Variants in TAF3 observed in about 807,000 individuals in gnomAD.
The protein encoded by TAF3 is TATA-box binding protein associated factor 3, also known as transcription initiation factor TFIID subunit 3.
A neutral mutation model predicts 80.6 loss-of-function variants in TAF3; 7 were observed. The observed-to-expected ratio is 0.09, with a 90% confidence interval of 0.05 to 0.16. The LOEUF is 0.16. TAF3 is among the 10% of genes least tolerant of loss of function. TAF3 has a pLI of 1.00. For missense variants in TAF3, 921 were observed against 1,140.2 expected (o/e 0.81, Z 2.77); for synonymous variants, 444 against 446.1 (o/e 1.00, Z 0.06).
intron 2 of TAF3, among the ~76,000 whole-genome samples, chr10:7,914,757 C>G (rs1374329221): frequency 2.6e-5 from 4 of 151,954 alleles, no homozygotes; most frequent in African/African-American, 4.8e-5. Context: ...CAAATATGAC[C>G]CATTTTAAAT....
At chr10:8,012,215 T>C (rs1022839179) in intron 5 of TAF3, among the ~76,000 whole-genome samples, 1 of 152,112 alleles carries the variant, frequency 6.6e-6, no homozygotes, top group Non-Finnish European at 1.5e-5. Flanking sequence ...GCTTTCTACC[T>C]CATGAAGAGA....
At chr10:7,936,519 G>T (rs1173421549) in intron 2 of TAF3, among the ~76,000 whole-genome samples, 1 of 149,858 alleles carries the variant, frequency 6.7e-6, no homozygotes, top group Non-Finnish European at 1.5e-5. Context: ...TTTCTTAATA[G>T]ACTTTATTAT....
chr10:7,997,514 C>G (rs1285193407), intron 4 of TAF3, among the ~76,000 whole-genome samples: 1 of 152,232 alleles, frequency 6.6e-6, no homozygotes, highest in Non-Finnish European at 1.5e-5. Context: ...ACAGGCCAAG[C>G]AGCTCATGAC....
intron 2 of TAF3, among the ~76,000 whole-genome samples, chr10:7,945,939 G>T (rs530857473): frequency 1.3e-5 from 2 of 152,092 alleles, no homozygotes; most frequent in East Asian, 1.9e-4. Context: ...GTTAACCTCC[G>T]CATTGCCAGG....
chr10:7,913,622 T>G (rs1383438781), intron 2 of TAF3, among the ~76,000 whole-genome samples: 1 of 152,216 alleles, frequency 6.6e-6, no homozygotes, highest in Non-Finnish European at 1.5e-5. Flanking sequence ...CATCCTTTGT[T>G]CCCCAGTAGT....
intron 3 of TAF3, among the ~76,000 whole-genome samples, chr10:7,972,813 GCCAAGGTTAATGTCAGTTT>G (rs984902949): frequency 6.6e-6 from 1 of 152,150 alleles, no homozygotes; most frequent in African/African-American, 2.4e-5. Flanking sequence ...TGAAGGTGGG[GCCAAGGTTAATGTCAGTTT>G]CCATATAAAC....
At position 8,009,777 on chromosome 10, in the gene TAF3, A is replaced by AC. The variant is rs1832036432; in HGVS notation, c.2568+448dup. ...GCTGGGATTACAGGCACGTGCCACC[A>AC]CACCTGGCCAATTTTTTGTATTTTT... On this transcript the variant is annotated intron_variant, in intron 5 of 6. Coordinates refer to ENST00000344293, the MANE Select transcript of TAF3 (RefSeq NM_031923.4). The surrounding 1 kb of genome is among the most constrained non-coding windows in gnomAD (Gnocchi z 4.1). 6.6e-6 allele frequency among the ~76,000 whole-genome samples: 1 copy of AC among 151,784 alleles called. No individual in the cohort carries two copies. The highest frequency in any genetic ancestry group is 1.5e-5 in the Non-Finnish European group (1 of 67,950).
chr10:7,983,123 C>T (rs949456825), intron 4 of TAF3, among the ~76,000 whole-genome samples: 3 of 152,202 alleles, frequency 2.0e-5, no homozygotes, highest in African/African-American at 4.8e-5. Flanking sequence ...CTGGCCTCTG[C>T]GGTGGCAGAG....
intron 4 of TAF3, among the ~76,000 whole-genome samples, chr10:7,986,761 C>T (rs753016781): frequency 1.3e-5 from 2 of 152,074 alleles, no homozygotes; most frequent in Non-Finnish European, 2.9e-5. Flanking sequence ...CACAGGGATC[C>T]ATAACTCACC....
intron 2 of TAF3, among the ~76,000 whole-genome samples, chr10:7,886,036 C>T (rs922404562): frequency 6.6e-6 from 1 of 152,136 alleles, no homozygotes; most frequent in African/African-American, 2.4e-5. Flanking sequence ...CCAAGTGATC[C>T]TCCTGCGTCA....
chr10:7,909,737 C>T (rs1325440466), intron 2 of TAF3, among the ~76,000 whole-genome samples: 1 of 152,134 alleles, frequency 6.6e-6, no homozygotes, highest in East Asian at 1.9e-4. Context: ...TGGAGATTTA[C>T]CACTTTATAT....
intron 2 of TAF3, among the ~76,000 whole-genome samples, chr10:7,947,502 A>G (rs919890465): frequency 2.0e-5 from 3 of 152,214 alleles, no homozygotes; most frequent in African/African-American, 7.2e-5. Flanking sequence ...TAAGAAAGCT[A>G]CTGGGAGGCG....
intron 2 of TAF3, among the ~76,000 whole-genome samples, chr10:7,868,913 A>C (rs889179568): frequency 2.0e-5 from 3 of 152,218 alleles, no homozygotes; most frequent in Non-Finnish European, 4.4e-5. Flanking sequence ...TAGGAAATGC[A>C]GTGGCAGGGT....
chr10:7,860,251 A>G (rs1414668788), intron 2 of TAF3, among the ~76,000 whole-genome samples: 1 of 151,466 alleles, frequency 6.6e-6, no homozygotes, highest in East Asian at 1.9e-4. Flanking sequence ...CAGCCTGGGT[A>G]GGTGACAGAG....
At chr10:7,872,213 A>T (rs201220071) in intron 2 of TAF3, among the ~76,000 whole-genome samples, 59 of 121,974 alleles carry the variant, frequency 4.8e-4, no homozygotes, top group East Asian at 3.5e-3. Context: ...TGTTGGGTTG[A>T]TTTTTTTTTT....
chr10:7,893,442 T>C (rs1837476931), intron 2 of TAF3, among the ~76,000 whole-genome samples: 1 of 152,168 alleles, frequency 6.6e-6, no homozygotes, highest in South Asian at 2.1e-4. Flanking sequence ...ATTTGTAAAT[T>C]TCTGCAAGTT....
intron 2 of TAF3, among the ~76,000 whole-genome samples, chr10:7,863,832 G>C (rs1010803576): frequency 5.4e-5 from 8 of 149,362 alleles, no homozygotes; most frequent in African/African-American, 2.0e-4. Context: ...AGTTTTCAGT[G>C]CATCTCTTAT....
intron 4 of TAF3, among the ~76,000 whole-genome samples, chr10:8,008,092 CTTTTTTT>C (rs1162726965): frequency 9.4e-6 from 1 of 106,038 alleles, no homozygotes; most frequent in Non-Finnish European, 1.9e-5. Context: ...TGGGAACAAT[CTTTTTTT>C]TTTTTTTTTT....
At chr10:7,829,987 T>C (rs1280813081) in intron 2 of TAF3, among the ~76,000 whole-genome samples, 1 of 152,164 alleles carries the variant, frequency 6.6e-6, no homozygotes, top group East Asian at 1.9e-4. Context: ...GCTGAAAAAA[T>C]ATATTGCCAA....
Sources: allele counts gnomAD v4.1 joint callset (sites outside exome capture counted in the v4.1 genomes callset), GRCh38; gene constraint gnomAD v4.1.1; non-coding constraint Gnocchi (gnomAD v3.1); transcripts MANE v1.5; gene names NCBI Gene and HGNC (gene_info 2026-07-23, HGNC 2026-07-21).